The following HECTD4 variants were observed in gnomAD, a reference collection of about 807,000 sequenced individuals.
The protein encoded by HECTD4 is HECT domain E3 ubiquitin protein ligase 4.
In HECTD4, 114 loss-of-function variants were observed where a neutral mutation model predicts 471.5. The observed-to-expected ratio is 0.24, with a 90% CI of 0.21 to 0.28. The LOEUF (loss-of-function observed/expected upper bound fraction) is 0.28, where lower values mean the gene tolerates loss of function less well. Among genes scored for constraint, HECTD4 ranks in the 10% least tolerant of loss-of-function variants. The pLI is 1.00. For synonymous variants in HECTD4, 2,012 were observed against 2,256.0 expected, an observed-to-expected ratio of 0.89 and a Z score of 3.07; for missense variants, 3,866 against 5,651.5, an observed-to-expected ratio of 0.68 and a Z score of 10.13.
chr12:112,283,034 G>T, intron 8 of HECTD4, 76 bp downstream of exon 8: 2 of 1,197,516 alleles, frequency 1.7e-6, no homozygotes, highest in South Asian at 1.7e-5. Flanking sequence ...TGTACAGCAC[G>T]GACGAAGTGC....
Position 112,251,119 on chromosome 12 carries a change from C to T in HECTD4, c.3568G>A (p.Val1190Ile). ...ACCAGAAAGGGCAAGCCTCCTGAGA[C>T]ATCCTCCGAAGACTCCTACAATGCA... The part of the protein sequence containing the change: ...TVRAQESSED[V>I]SGGLPFLVDL... The change falls in exon 24 of 76, where the codon GTC becomes ATC. Residue 1190 changes from valine (V) to isoleucine (I), a missense_variant. Physicochemically the swap from Val to Ile is conservative, Grantham distance 29. Transcript: ENST00000682272. 1 of 1,613,820 alleles carries T rather than the reference C, an allele frequency of 6.2e-7. No individual in the cohort carries two copies. Among genetic ancestry groups the T allele is most frequent in the South Asian group, 1.1e-5 (1 of 91,040 alleles).
chr12:112,194,979 C>A lies in HECTD4; in HGVS notation c.8655G>T (p.Leu2885Phe). 1 of 1,611,422 alleles carries A rather than the reference C, an allele frequency of 6.2e-7. No individual in the cohort carries two copies. Among genetic ancestry groups the A allele is most frequent in the Non-Finnish European group, 8.5e-7 (1 of 1,178,912 alleles). ...LNIFAPKLPH[L>F]FTRLFHIPAI... ...CAGGGATGTGGAAGAGGCGAGTGAA[C>A]AAGTGAGGCAACTTCGGGGCGAAGA... The change falls in exon 56 of 76, where the codon TTG becomes TTT. Residue 2885 changes from leucine to phenylalanine, a missense_variant. By Grantham distance (22) the Leu-to-Phe change is conservative. Around this residue, in one of 16 missense-constraint regions of HECTD4, gnomAD observed 266 missense variants for 441.6 expected, o/e 0.60. Coordinates refer to ENST00000682272, the MANE Select transcript of HECTD4 (RefSeq NM_001388303.1). This position sits in a 1 kb window ranked among gnomAD's most constrained non-coding sequence, Gnocchi z 4.6.
At chr12:112,336,558 A>C (rs1419916976) in intron 1 of HECTD4, among the ~76,000 whole-genome samples, 4 of 151,942 alleles carry the variant, frequency 2.6e-5, no homozygotes, top group South Asian at 2.1e-4. Context: ...TAAAAATTGG[A>C]AATTTGAATA....
chr12:112,378,978 C>T (rs1000277080), intron 1 of HECTD4, among the ~76,000 whole-genome samples: 1 of 151,806 alleles, frequency 6.6e-6, no homozygotes, highest in African/African-American at 2.4e-5. Flanking sequence ...GGAGGCGGAG[C>T]TTGCAGTGAG....
At position 112,265,290 on chromosome 12, in the gene HECTD4, T is replaced by C. The variant is rs746020207; in HGVS notation, c.2504A>G (p.Asn835Ser). 19 of 1,554,246 alleles carry C rather than the reference T, an allele frequency of 1.2e-5. No individual in the cohort carries two copies. In the African/African-American group the frequency reaches 2.0e-4, roughly 17 times the overall value. Reference sequence around the variant, plus strand: ...CAGAATGTAGTGTAAAAGTTCATCATTTAGTCTTTAAAATGCAGGAAAAAT... The same window carrying C: ...CAGAATGTAGTGTAAAAGTTCATCACTTAGTCTTTAAAATGCAGGAAAAAT... ...GSDEDDHYRL[N>S]DELLHYILKI... The change falls in exon 16 of 76, where the codon AAT becomes AGT. Residue 835 changes from asparagine (N) to serine (S), a missense_variant. By Grantham distance (46) the Asn-to-Ser change is conservative. Transcript: ENST00000682272.
intron 11 of HECTD4, 143 bp from the exon 12 acceptor site, chr12:112,270,602 C>A: frequency 1.4e-6 from 1 of 690,090 alleles, no homozygotes; most frequent in Non-Finnish European, 2.5e-6. Flanking sequence ...CCAGAGAACG[C>A]TTCTCCCTGC....
At chr12:112,167,247 T>A in intron 72 of HECTD4, 70 bp downstream of exon 72, 1 of 1,387,196 alleles carries the variant, frequency 7.2e-7, no homozygotes, top group Non-Finnish European at 1.0e-6. Context: ...CGGGTCTGCA[T>A]GGAGGCCTAA....
In HECTD4 at chr12:112,261,409, CA is replaced by C; in HGVS notation, c.2768del (p.Leu923TrpfsTer8). The C allele has an allele frequency of 6.2e-7, 1 of 1,608,366 alleles. No individual in the cohort carries two copies. The highest frequency in any genetic ancestry group is 8.5e-7 in the Non-Finnish European group (1 of 1,175,300). ...LKVQELKVSI[L>X]ALATQILTGC... Reference sequence around the variant, plus strand: ...CAGTCAGGATTTGGGTGGCAAGAGCCAAAATACTGACTTTTAGCTCCTAGGC... The same window carrying C: ...CAGTCAGGATTTGGGTGGCAAGAGCCAAATACTGACTTTTAGCTCCTAGGC... On this transcript the variant is annotated frameshift_variant, in exon 18 of 76. Coordinates refer to ENST00000682272, the MANE Select transcript of HECTD4 (RefSeq NM_001388303.1). LOFTEE classifies it high-confidence loss of function.
intron 1 of HECTD4, among the ~76,000 whole-genome samples, chr12:112,336,374 T>A (rs1481702828): frequency 2.0e-5 from 3 of 151,924 alleles, no homozygotes; most frequent in African/African-American, 7.3e-5. Context: ...ATACAAAAAA[T>A]TAGCTGGGCA....
chr12:112,195,073 G>A lies in HECTD4; in HGVS notation c.8568-7C>T, dbSNP rs1194157762. 6.3e-7 allele frequency: 1 copy of A among 1,584,340 alleles called. No homozygotes were observed. The highest frequency in any genetic ancestry group is 1.2e-5 in the South Asian group (1 of 86,886). ...CTCGCAGCGCAGCAGCTCCCTGCAAGGGAAAAGGTGGGTGAGATACTCAAA... is the reference window on the plus strand; with the variant it reads ...CTCGCAGCGCAGCAGCTCCCTGCAAAGGAAAAGGTGGGTGAGATACTCAAA... On this transcript the variant is annotated splice_region_variant and splice_polypyrimidine_tract_variant and intron_variant, in intron 55 of 75. Transcript: ENST00000682272.
chr12:112,181,279 C>T (rs1159107377), intron 62 of HECTD4, among the ~76,000 whole-genome samples: 1 of 152,070 alleles, frequency 6.6e-6, no homozygotes, highest in Non-Finnish European at 1.5e-5. Context: ...AATGCTAATC[C>T]TATCTTTATT....
rs75893431 is a variant in HECTD4 at position 112,170,118 on chromosome 12, G to C, written c.12052+215C>G. 3,212 of 635,468 alleles carry C rather than the reference G, an allele frequency of 5.1e-3. 87 individuals are homozygous for C. In the African/African-American group the frequency reaches 0.053, roughly 10 times the overall value. The allele number at this position is 635,468 out of a possible 1,614,324, so 39.4% of individuals were successfully genotyped here. ...GCCCCACCTGACCCCATGCAGCTGG[G>C]TGGGCCCCCGGGAGCCAAGCTCCTT... On this transcript the variant is annotated intron_variant, in intron 69 of 75. Transcript: ENST00000682272.
intron 39 of HECTD4, 108 bp from the exon 40 acceptor site, chr12:112,230,930 A>G (rs2033363861): frequency 3.0e-6 from 3 of 1,013,186 alleles, no homozygotes; most frequent in Non-Finnish European, 1.4e-6. Flanking sequence ...TTTATACAAG[A>G]AAAAGTGGAT....
chr12:112,183,369 C>G, intron 61 of HECTD4, 103 bp from the exon 62 acceptor site: 1 of 927,098 alleles, frequency 1.1e-6, no homozygotes, highest in Non-Finnish European at 1.7e-6. Flanking sequence ...CTCTATTCAT[C>G]TGCAGAGATG....
chr12:112,382,121 G>A lies in HECTD4; in HGVS notation c.8C>T (p.Ser3Leu). Residue 3 changes from serine (S) to leucine (L), a missense_variant, in exon 1 of 76, where the codon TCG becomes TTG. Physicochemically the swap from Ser to Leu is moderately radical, Grantham distance 145. Transcript: ENST00000682272. MG[S>L]SAAAAAAAAA... ...CGCCGCCGCCGCCGCGGCCGCCGAC[G>A]AGCCCATGGCCCCGGCTGAAGGCTT... is the stretch of plus-strand genomic sequence containing the variant. The A allele has an allele frequency of 1.6e-6, 2 of 1,215,666 alleles. No homozygotes were observed. Among genetic ancestry groups the A allele is most frequent in the Non-Finnish European group, 2.0e-6 (2 of 981,734 alleles). 75.3% of individuals were successfully genotyped at this position (1,215,666 alleles called of 1,614,324 possible). A position where few individuals can be genotyped will look rare whatever the true frequency, so the allele number is the denominator to read the frequency against.
In HECTD4 at chr12:112,308,884, C is replaced by T. The variant is rs2035321299; in HGVS notation, c.1033G>A (p.Val345Met). ...SGLHGTLRGF[V>M]YCRNEELEPG... Reference sequence around the variant, plus strand: ...TCCAACTCCTCGTTCCGGCAGTACACAAAACCTCTGTGGAATGAAATGGAG... The same window carrying T: ...TCCAACTCCTCGTTCCGGCAGTACATAAAACCTCTGTGGAATGAAATGGAG... Residue 345 changes from valine to methionine, a missense_variant, in exon 6 of 76, where the codon GTG becomes ATG. This residue lies in a region of HECTD4 where 440 missense variants were observed against 636.0 expected (regional missense o/e 0.69). Transcript: ENST00000682272. 2 of 1,535,884 alleles carry T rather than the reference C, an allele frequency of 1.3e-6. No individual in the cohort carries two copies. Among genetic ancestry groups the T allele is most frequent in the Non-Finnish European group, 1.7e-6 (2 of 1,146,814 alleles).
intron 1 of HECTD4, among the ~76,000 whole-genome samples, chr12:112,373,881 G>A (rs1271739290): frequency 6.6e-6 from 1 of 151,648 alleles, no homozygotes; most frequent in Admixed American, 6.6e-5. Context: ...ATGCATGCCT[G>A]TAATCCCAAC....
chr12:112,184,971 C>T lies in HECTD4; in HGVS notation c.9995G>A (p.Arg3332His), dbSNP rs762884729. 1.7e-5 allele frequency: 28 copies of T among 1,613,210 alleles called. No individual in the cohort carries two copies. The East Asian group carries it at 5.1e-4, about 30-fold the overall frequency. ...CACGGTGGGGTCCGAGTCCACGGTGCGGGAAGACTGGCGCTTGCCCGACGA... is the reference window on the plus strand; with the variant it reads ...CACGGTGGGGTCCGAGTCCACGGTGTGGGAAGACTGGCGCTTGCCCGACGA... ...ASSSGKRQSS[R>H]TVDSDPTVLS... is the part of the protein sequence containing the mutation. The change falls in exon 61 of 76, where the codon CGC becomes CAC. Residue 3332 changes from arginine (R) to histidine (H), a missense_variant. This residue lies in a region of HECTD4 where 57 missense variants were observed against 49.8 expected (regional missense o/e 1.14). Transcript: ENST00000682272. This position sits in a 1 kb window ranked among gnomAD's most constrained non-coding sequence, Gnocchi z 9.1.
intron 55 of HECTD4, among the ~76,000 whole-genome samples, chr12:112,196,980 G>C (rs2032264897): frequency 6.6e-6 from 1 of 152,032 alleles, no homozygotes; most frequent in Admixed American, 6.6e-5. Flanking sequence ...ATTTTTAGTA[G>C]AGACGGGGCC....
Sources: gnomAD v4.1 joint callset for allele counts (sites outside exome capture counted in the v4.1 genomes callset) on GRCh38, gnomAD v4.1.1 for gene constraint, gnomAD v4.1.1 regional missense constraint, Gnocchi (gnomAD v3.1) non-coding constraint, MANE v1.5 for transcripts, NCBI Gene and HGNC (gene_info 2026-07-23, HGNC 2026-07-21) for gene names.